The following LTN1 variants were observed in gnomAD, a reference collection of about 807,000 sequenced individuals.
LTN1 encodes E3 ubiquitin-protein ligase listerin.
A neutral mutation model predicts 201.2 loss-of-function variants in LTN1; 88 were observed. The ratio of observed to expected loss-of-function variants is 0.44; its 90% CI spans 0.37 to 0.52. The LOEUF is 0.52. LTN1 is among the 20% of genes least tolerant of loss of function. The pLI, the probability that LTN1 is intolerant of heterozygous loss-of-function variation, is 0.00. For missense variants in LTN1, 1,752 were observed against 2,038.7 expected (o/e 0.86, Z 2.71); for synonymous variants, 645 against 713.5 (o/e 0.90, Z 1.53).
rs769943197 is a variant in LTN1, at chr21:28,965,887, G to A, written c.2141C>T (p.Ser714Phe). 2 of 1,513,764 alleles carry A rather than the reference G, an allele frequency of 1.3e-6. No individual in the cohort carries two copies. Among genetic ancestry groups the A allele is most frequent in the African/African-American group, 1.4e-5 (1 of 70,944 alleles). 93.8% of individuals were successfully genotyped at this position (1,513,764 alleles called of 1,614,324 possible). The part of the protein sequence containing the change: ...DLTKVDLKWN[S>F]LLKIIEKACP... ...TACCTTTTCAATAATCTTAAGAAGA[G>A]AATTCCATTTCAAGTCCACCTGAAA... is the stretch of plus-strand genomic sequence containing the variant. The change falls in exon 11 of 30, where the codon TCT becomes TTT. Residue 714 changes from serine (S) to phenylalanine (F), a missense_variant. Ser to Phe is a radical substitution (Grantham distance 155). This residue lies in a region of LTN1 where 1,211 missense variants were observed against 1,312.8 expected (regional missense o/e 0.92). Transcript: ENST00000361371.
At position 28,986,641 on chromosome 21, in the gene LTN1, T is replaced by C; in HGVS notation, c.246+90A>G. The C allele has an allele frequency of 1.0e-6, 1 of 963,596 alleles. No homozygotes were observed. 59.7% of individuals were successfully genotyped at this position (963,596 alleles called of 1,614,324 possible). On this transcript the variant is annotated intron_variant, in intron 2 of 29. Transcript: ENST00000361371. This position sits in a 1 kb window ranked among gnomAD's most constrained non-coding sequence, Gnocchi z 4.1. ...TATAAAAGAACTTAGCAATAAATTG[T>C]TCATTTTTCTTTACATAAAACATGC... is the stretch of plus-strand genomic sequence containing the variant.
intron 1 of LTN1, among the ~76,000 whole-genome samples, chr21:28,989,971 C>G (rs1167106638): frequency 6.7e-6 from 1 of 149,994 alleles, no homozygotes; most frequent in Non-Finnish European, 1.5e-5. Flanking sequence ...ACCCGAGACT[C>G]TGTCTCAAAA....
At chr21:28,991,478 T>C (rs1001649438) in intron 1 of LTN1, among the ~76,000 whole-genome samples, 1 of 152,150 alleles carries the variant, frequency 6.6e-6, no homozygotes, top group African/African-American at 2.4e-5. Context: ...ATTTAGGAGT[T>C]AAGAGTCCCG....
rs1369524709 is a variant in LTN1 at position 28,966,555 on chromosome 21, G to C, written c.1936C>G (p.Pro646Ala). Residue 646 changes from proline to alanine, a missense_variant, in exon 10 of 30, where the codon CCT becomes GCT. Around this residue, in one of 3 missense-constraint regions of LTN1, gnomAD observed 1,211 missense variants for 1,312.8 expected, o/e 0.92. Transcript: ENST00000361371. ...TGTACAAGCTTGGCTATTTCAAGAGGTTTGGCTTGGACAATACTCTGTTTT... is the reference window on the plus strand; with the variant it reads ...TGTACAAGCTTGGCTATTTCAAGAGCTTTGGCTTGGACAATACTCTGTTTT... Reference protein sequence around the residue: ...DEKQSIVQAKPLEIAKLVQKN... With the variant: ...DEKQSIVQAKALEIAKLVQKN... 2.5e-6 allele frequency: 4 copies of C among 1,613,970 alleles called. No individual in the cohort carries two copies. The East Asian group carries it at 6.7e-5, about 27-fold the overall frequency.
rs35916992 is a variant in LTN1, at chr21:28,947,616, GAAAA to G, written c.3345-14_3345-11del. 1 of 1,246,014 alleles carries G rather than the reference GAAAA, an allele frequency of 8.0e-7. No individual in the cohort carries two copies. Among genetic ancestry groups the G allele is most frequent in the Admixed American group, 2.9e-5 (1 of 34,056 alleles). The allele number at this position is 1,246,014 out of a possible 1,614,324, so 77.2% of individuals were successfully genotyped here. ...AGTTAGTGGAAAAAAACTGTTTAAA[GAAAA>G]AAAAAACACAAGTTAGATTTCTTCC... is the stretch of plus-strand genomic sequence containing the variant. On this transcript the variant is annotated splice_polypyrimidine_tract_variant and intron_variant, in intron 18 of 29. Coordinates refer to ENST00000361371, the MANE Select transcript of LTN1 (RefSeq NM_015565.3).
chr21:28,992,708 G>A, intron 1 of LTN1, 56 bp downstream of exon 1: 12 of 1,602,782 alleles, frequency 7.5e-6, no homozygotes, highest in Non-Finnish European at 9.4e-6. Flanking sequence ...CGCGCTGGGC[G>A]GAGCCAGCCG....
At chr21:28,941,659 TCA>T (rs2084298671) in intron 24 of LTN1, among the ~76,000 whole-genome samples, 1 of 152,088 alleles carries the variant, frequency 6.6e-6, no homozygotes, top group African/African-American at 2.4e-5. Context: ...TGAAAAAAAA[TCA>T]CACACCCAGA....
At position 28,965,923 on chromosome 21, in the gene LTN1, A is replaced by C. The variant is rs763197531; in HGVS notation, c.2122-17T>G. The C allele has an allele frequency of 4.6e-6, 7 of 1,512,746 alleles. No homozygotes were observed. In the African/African-American group the frequency reaches 9.8e-5, roughly 21 times the overall value. The allele number at this position is 1,512,746 out of a possible 1,614,324, so 93.7% of individuals were successfully genotyped here. On this transcript the variant is annotated splice_polypyrimidine_tract_variant and intron_variant, in intron 10 of 29. Transcript: ENST00000361371. ...CAAGTCCACCTGAAAAAAGAAAAAG[A>C]GTTAGAAACAATCTGCTAGAACAAC...
At position 28,930,688 on chromosome 21, in the gene LTN1, G is replaced by A. The variant is rs565489290; in HGVS notation, c.5239-178C>T. On this transcript the variant is annotated intron_variant, in intron 29 of 29. Coordinates refer to ENST00000361371, the MANE Select transcript of LTN1 (RefSeq NM_015565.3). ...TTAACACAAATTGAGTATTACTTCCGATGGCTACACTAAGTTCTTCCTACT... is the reference window on the plus strand; with the variant it reads ...TTAACACAAATTGAGTATTACTTCCAATGGCTACACTAAGTTCTTCCTACT... Among the ~76,000 whole-genome samples the A allele has an allele frequency of 1.3e-3, 203 of 152,216 alleles. 2 individuals carry two copies. Among genetic ancestry groups the A allele is most frequent in the Middle Eastern group, 3.4e-3 (1 of 294 alleles).
chr21:28,964,738 A>C (rs180788955), intron 11 of LTN1: 1 of 1,550,392 alleles, frequency 6.4e-7, no homozygotes, highest in South Asian at 1.2e-5. Flanking sequence ...CACAGATGTG[A>C]GTATTTGCAC....
Position 28,971,332 on chromosome 21 carries a change from C to T in LTN1, c.923G>A (p.Ser308Asn), listed in dbSNP as rs2084572890. 3.1e-6 allele frequency: 5 copies of T among 1,613,944 alleles called. No individual in the cohort carries two copies. The highest frequency in any genetic ancestry group is 4.2e-6 in the Non-Finnish European group (5 of 1,179,954). Residue 308 changes from serine (S) to asparagine (N), a missense_variant, in exon 7 of 30, where the codon AGT becomes AAT. Ser to Asn is a conservative substitution (Grantham distance 46). This residue lies in a region of LTN1 where 280 missense variants were observed against 375.7 expected (regional missense o/e 0.75). Coordinates refer to ENST00000361371, the MANE Select transcript of LTN1 (RefSeq NM_015565.3). ...SPSVLLSIDD[S>N]DPIVCPALWE... Reference sequence around the variant, plus strand: ...GAGAGCTGGGCAGACAATTGGGTCACTGTCATCAATGCTAAGTAGAACTGA... The same window carrying T: ...GAGAGCTGGGCAGACAATTGGGTCATTGTCATCAATGCTAAGTAGAACTGA...
At chr21:28,945,597 G>A (rs1185336576) in intron 21 of LTN1, among the ~76,000 whole-genome samples, 1 of 152,154 alleles carries the variant, frequency 6.6e-6, no homozygotes, top group Non-Finnish European at 1.5e-5. Context: ...AGGAGATTTG[G>A]TCACTGAATG....
chr21:28,938,339 G>A (rs2084272057), intron 25 of LTN1, among the ~76,000 whole-genome samples: 1 of 152,110 alleles, frequency 6.6e-6, no homozygotes, highest in Non-Finnish European at 1.5e-5. Flanking sequence ...CTTTCAAGTA[G>A]ATCAGCAGAA....
chr21:28,982,445 A>G, intron 4 of LTN1, 77 bp from the exon 5 acceptor site: 1 of 1,085,326 alleles, frequency 9.2e-7, no homozygotes, highest in Non-Finnish European at 1.4e-6. Context: ...TAGTTAAATA[A>G]AATCCACTTT....
chr21:28,957,070 T>A, intron 15 of LTN1, 122 bp from the exon 16 acceptor site: 1 of 705,620 alleles, frequency 1.4e-6, no homozygotes, highest in South Asian at 2.2e-5. Context: ...TTGTTTTCTT[T>A]TACAGGAAAT....
At chr21:28,969,445 C>T (rs546760661) in intron 9 of LTN1, 21 bp downstream of exon 9, 109 of 1,595,424 alleles carry the variant, frequency 6.8e-5, no homozygotes, top group Admixed American at 4.5e-4. Context: ...AAGAGACTGA[C>T]GACTTTTACA....
intron 6 of LTN1, among the ~76,000 whole-genome samples, chr21:28,980,413 G>A (rs1343186707): frequency 9.2e-6 from 1 of 108,344 alleles, no homozygotes; most frequent in Non-Finnish European, 1.8e-5. Context: ...GGAGGGGGGA[G>A]GGATAGCATT....
At chr21:28,944,711 A>C in intron 21 of LTN1, 115 bp from the exon 22 acceptor site, 1 of 733,168 alleles carries the variant, frequency 1.4e-6, no homozygotes, top group Non-Finnish European at 2.2e-6. Context: ...AACGAAAAGC[A>C]GTTGAGGTGT....
Position 28,986,431 on chromosome 21 carries a change from A to G in LTN1, c.247-194T>C. 1 of 683,772 alleles carries G rather than the reference A, an allele frequency of 1.5e-6. No individual in the cohort carries two copies. Among genetic ancestry groups the G allele is most frequent in the Non-Finnish European group, 2.6e-6 (1 of 380,196 alleles). The allele number at this position is 683,772 out of a possible 1,614,324, so 42.4% of individuals were successfully genotyped here. A position where few individuals can be genotyped will look rare whatever the true frequency, so the allele number is the denominator to read the frequency against. ...ACTCTTCAGTTGTTTTTTTAAAAAT[A>G]AAACATCTACAAACAAAAAAACCTC... On this transcript the variant is annotated intron_variant, in intron 2 of 29. Transcript: ENST00000361371. The surrounding 1 kb of genome is among the most constrained non-coding windows in gnomAD (Gnocchi z 4.1).
Sources: gnomAD v4.1 joint callset for allele counts (sites outside exome capture counted in the v4.1 genomes callset) on GRCh38, gnomAD v4.1.1 for gene constraint, gnomAD v4.1.1 regional missense constraint, Gnocchi (gnomAD v3.1) non-coding constraint, MANE v1.5 for transcripts, NCBI Gene and HGNC (gene_info 2026-07-23, HGNC 2026-07-21) for gene names.